COL25A1: variants seen among roughly 807,000 people sequenced by gnomAD.
COL25A1 encodes the protein collagen alpha-1(XXV) chain.
In COL25A1, 103 loss-of-function variants were observed where a neutral mutation model predicts 128.4. The observed-to-expected ratio is 0.80, with a 90% CI of 0.68 to 0.94. The LOEUF is 0.94. Ranked by LOEUF, COL25A1 falls within the 40% of genes least tolerant of loss-of-function variation. The pLI, the probability that COL25A1 is intolerant of heterozygous loss-of-function variation, is 0.00. For missense variants in COL25A1, 745 were observed against 840.0 expected (o/e 0.89, Z 1.40); for synonymous variants, 279 against 277.2 (o/e 1.01, Z -0.06).
chr4:109,218,083 G>A (rs1778137044), intron 3 of COL25A1, among the ~76,000 whole-genome samples: 1 of 152,154 alleles, frequency 6.6e-6, no homozygotes, highest in South Asian at 2.1e-4. Flanking sequence ...TTTTAATGGA[G>A]ATATGTGTTT....
At chr4:109,247,389 A>T (rs1384153287) in intron 3 of COL25A1, among the ~76,000 whole-genome samples, 1 of 152,180 alleles carries the variant, frequency 6.6e-6, no homozygotes, top group Non-Finnish European at 1.5e-5. Flanking sequence ...TGTGGAAATG[A>T]GCCCATCGTG....
intron 3 of COL25A1, among the ~76,000 whole-genome samples, chr4:109,122,954 G>C (rs1053565818): frequency 6.6e-6 from 1 of 152,036 alleles, no homozygotes; most frequent in Non-Finnish European, 1.5e-5. Flanking sequence ...GGACTGTGCT[G>C]TTCAGCACTA....
At chr4:108,883,847 T>C (rs556247098) in intron 19 of COL25A1, among the ~76,000 whole-genome samples, 1 of 152,308 alleles carries the variant, frequency 6.6e-6, no homozygotes, top group South Asian at 2.1e-4. Flanking sequence ...CAAAATCTGA[T>C]AGGGTCTTAA....
At chr4:109,028,758 A>G (rs780208007) in intron 5 of COL25A1, among the ~76,000 whole-genome samples, 37 of 152,144 alleles carry the variant, frequency 2.4e-4, no homozygotes, top group Non-Finnish European at 4.7e-4. Flanking sequence ...AAAAGAAAAG[A>G]AAGAAAAAGG....
At chr4:108,927,127 A>G (rs1032835641) in intron 11 of COL25A1, among the ~76,000 whole-genome samples, 2 of 152,132 alleles carry the variant, frequency 1.3e-5, no homozygotes, top group African/African-American at 4.8e-5. Flanking sequence ...TTCTCCGATC[A>G]GTCTTCATGT....
chr4:108,924,944 T>C (rs1200445823), intron 11 of COL25A1, among the ~76,000 whole-genome samples: 2 of 152,154 alleles, frequency 1.3e-5, no homozygotes, highest in African/African-American at 4.8e-5. Context: ...CTTCTTTTGT[T>C]CTCCAAAGCA....
chr4:108,948,921 T>C (rs6846133), intron 8 of COL25A1, among the ~76,000 whole-genome samples: 358 of 152,328 alleles, frequency 2.4e-3, no homozygotes, highest in African/African-American at 8.2e-3. Context: ...ACTATTCATA[T>C]AGGGCCAAAG....
intron 3 of COL25A1, among the ~76,000 whole-genome samples, chr4:109,059,542 A>C (rs1305546384): frequency 1.3e-5 from 2 of 152,218 alleles, no homozygotes; most frequent in East Asian, 3.8e-4. Flanking sequence ...TTTTCATTTT[A>C]AAGGAAAAAT....
intron 3 of COL25A1, among the ~76,000 whole-genome samples, chr4:109,215,371 A>G (rs1777904390): frequency 6.6e-6 from 1 of 152,172 alleles, no homozygotes; most frequent in Non-Finnish European, 1.5e-5. Flanking sequence ...GCTCACAACA[A>G]TATTTTCCAC....
intron 6 of COL25A1, among the ~76,000 whole-genome samples, chr4:109,004,397 T>C (rs568145476): frequency 7.8e-4 from 68 of 86,772 alleles, no homozygotes; most frequent in Non-Finnish European, 1.4e-3. Flanking sequence ...AGAATTGAGG[T>C]TTGTGTTTTT....
intron 11 of COL25A1, among the ~76,000 whole-genome samples, chr4:108,926,820 A>T (rs1746115262): frequency 6.6e-6 from 1 of 151,954 alleles, no homozygotes; most frequent in Non-Finnish European, 1.5e-5. Context: ...TATTATATGT[A>T]CGTCTGGAGT....
chr4:108,929,804 T>C (rs1746517098), intron 11 of COL25A1, among the ~76,000 whole-genome samples: 1 of 152,074 alleles, frequency 6.6e-6, no homozygotes, highest in South Asian at 2.1e-4. Flanking sequence ...GCAGGCCAGG[T>C]GACAGAGCAA....
chr4:108,984,841 A>C (rs187200868), intron 6 of COL25A1, among the ~76,000 whole-genome samples: 1,766 of 152,358 alleles, frequency 0.012, 41 homozygotes, highest in African/African-American at 0.04. Flanking sequence ...AGTGCCGCCA[A>C]AGTGGGAGCC....
At chr4:109,239,394 G>A (rs2189704) in intron 3 of COL25A1, among the ~76,000 whole-genome samples, 32,517 of 114,812 alleles carry the variant, frequency 0.28, 4,308 homozygotes, top group Middle Eastern at 0.36. Flanking sequence ...GTGTGTGTGT[G>A]TATATATATA....
chr4:108,962,332 C>T (rs1011723196), intron 8 of COL25A1, among the ~76,000 whole-genome samples: 76 of 152,010 alleles, frequency 5.0e-4, no homozygotes, highest in South Asian at 2.1e-4. Flanking sequence ...GGACTATAGG[C>T]GCTACGACCA....
chr4:109,236,798 C>T (rs1347858999), intron 3 of COL25A1, among the ~76,000 whole-genome samples: 1 of 151,806 alleles, frequency 6.6e-6, no homozygotes, highest in African/African-American at 2.4e-5. Context: ...ATTTACAAAC[C>T]ATGTTAAAAG....
At chr4:109,266,213 T>C (rs1781784277) in intron 3 of COL25A1, among the ~76,000 whole-genome samples, 2 of 152,150 alleles carry the variant, frequency 1.3e-5, no homozygotes, top group Admixed American at 1.3e-4. Flanking sequence ...TTGTAAAAAT[T>C]AACTAAGATA....
At chr4:108,918,489 G>C (rs986007773) in intron 12 of COL25A1, among the ~76,000 whole-genome samples, 2 of 152,188 alleles carry the variant, frequency 1.3e-5, no homozygotes, top group African/African-American at 4.8e-5. Flanking sequence ...ATACCTATCA[G>C]AGGGCCACAT....
At chr4:109,278,083 C>T (rs112089887) in intron 3 of COL25A1, among the ~76,000 whole-genome samples, 2,143 of 151,060 alleles carry the variant, frequency 0.014, 21 homozygotes, top group Non-Finnish European at 0.022. Context: ...TGCAGCGAGC[C>T]GAGATCACAC....
Sources: gnomAD v4.1 joint callset for allele counts (sites outside exome capture counted in the v4.1 genomes callset) on GRCh38, gnomAD v4.1.1 for gene constraint, MANE v1.5 for transcripts, NCBI Gene and HGNC (gene_info 2026-07-23, HGNC 2026-07-21) for gene names.